The following HMGB1 variants were observed in gnomAD, a reference collection of about 807,000 sequenced individuals.
HMGB1 encodes high mobility group box 1.
For synonymous variants in HMGB1, 81 were observed against 84.0 expected (o/e 0.96, Z 0.19); for missense variants, 79 against 253.5 (o/e 0.31, Z 4.67).
intron 1 of HMGB1, among the ~76,000 whole-genome samples, chr13:30,584,887 C>CAGTAATTA: frequency 1.3e-5 from 2 of 152,204 alleles, no homozygotes; most frequent in East Asian, 3.9e-4. Context: ...GTGGTTCACG[C>CAGTAATTA]CTGTAATCCT....
rs576032509 is a variant in HMGB1, at chr13:30,605,556, G to C, written c.-15+11115C>G. 7.2e-5 allele frequency among the ~76,000 whole-genome samples: 11 copies of C among 152,328 alleles called. No homozygotes were observed. In the South Asian group the frequency reaches 2.3e-3, roughly 32 times the overall value. ...GACTAAGCAAGGACCACCAGGTCTG[G>C]CAACATGGAGGCCAATGCCGACGTG... On this transcript the variant is annotated intron_variant, in intron 1 of 4. Transcript: ENST00000405805.
chr13:30,582,759 TAAC>T (rs1346354066), intron 1 of HMGB1, among the ~76,000 whole-genome samples: 1 of 152,198 alleles, frequency 6.6e-6, no homozygotes, highest in Non-Finnish European at 1.5e-5. Flanking sequence ...TAACCCCACG[TAAC>T]GACAGGTATT....
intron 1 of HMGB1, among the ~76,000 whole-genome samples, chr13:30,478,867 TTTTC>T (rs1272442989): frequency 4.0e-4 from 53 of 132,156 alleles, no homozygotes; most frequent in South Asian, 5.1e-4. Flanking sequence ...TTTTCTTTTC[TTTTC>T]TTTTTTTTTT....
At chr13:30,606,097 G>C (rs200167503) in intron 1 of HMGB1, among the ~76,000 whole-genome samples, 3 of 152,206 alleles carry the variant, frequency 2.0e-5, no homozygotes, top group East Asian at 3.9e-4. Context: ...ATGTGTCTTT[G>C]GTCTCTATTA....
chr13:30,513,949 A>G (rs1428312714), intron 1 of HMGB1, among the ~76,000 whole-genome samples: 2 of 151,996 alleles, frequency 1.3e-5, no homozygotes, highest in Admixed American at 6.6e-5. Flanking sequence ...GGGTGTCTCT[A>G]TGTTGCCTAG....
At chr13:30,520,395 G>A (rs1333082391) in intron 1 of HMGB1, among the ~76,000 whole-genome samples, 1 of 151,790 alleles carries the variant, frequency 6.6e-6, no homozygotes, top group Non-Finnish European at 1.5e-5. Context: ...CGAGGCGGGC[G>A]GCTCACTTGA....
intron 1 of HMGB1, among the ~76,000 whole-genome samples, chr13:30,493,636 T>C (rs1259414637): frequency 6.6e-6 from 1 of 151,742 alleles, no homozygotes; most frequent in Non-Finnish European, 1.5e-5. Flanking sequence ...TCTACAAAAA[T>C]AAAAATGAAA....
intron 1 of HMGB1, among the ~76,000 whole-genome samples, chr13:30,594,510 T>C (rs1192453172): frequency 4.6e-5 from 7 of 152,250 alleles, no homozygotes; most frequent in Non-Finnish European, 5.9e-5. Flanking sequence ...TTAGTTCCGT[T>C]AGGATAATTG....
Position 30,465,792 on chromosome 13 carries a change from T to C in HMGB1, c.-15+4A>G. 2.0e-6 allele frequency: 2 copies of C among 985,730 alleles called. No individual in the cohort carries two copies. Among genetic ancestry groups the C allele is most frequent in the Non-Finnish European group, 2.4e-6 (2 of 829,884 alleles). The allele number at this position is 985,730 out of a possible 1,614,324, so 61.1% of individuals were successfully genotyped here. The stretch of plus-strand genomic sequence containing the variant: ...TCCCCGCCGCGGCGCTGCCCCAGAC[T>C]CACCCTCAGCGAGGCACAGAGTCGC... On this transcript the variant is annotated splice_donor_region_variant and intron_variant, in intron 1 of 4. Transcript: ENST00000341423.
In HMGB1 at chr13:30,460,847, T is replaced by C. The variant is rs1886278083; in HGVS notation, c.*510A>G. 1.2e-5 allele frequency: 2 copies of C among 162,222 alleles called. No individual in the cohort carries two copies. Among genetic ancestry groups the C allele is most frequent in the Non-Finnish European group, 2.6e-5 (2 of 76,826 alleles). 10.0% of individuals were successfully genotyped at this position (162,222 alleles called of 1,614,324 possible). A position where few individuals can be genotyped will look rare whatever the true frequency, so the allele number is the denominator to read the frequency against. The stretch of plus-strand genomic sequence containing the variant: ...AAATGGGCAAAAGCAAAAGACTAGC[T>C]TCCCCTCAAGAAGAAAAATTTCAGA... On this transcript the variant is annotated 3_prime_UTR_variant, in exon 5 of 5. Coordinates refer to ENST00000341423, the MANE Select transcript of HMGB1 (RefSeq NM_002128.7).
chr13:30,525,354 G>A (rs968700096), intron 1 of HMGB1, among the ~76,000 whole-genome samples: 2 of 152,176 alleles, frequency 1.3e-5, no homozygotes, highest in Non-Finnish European at 2.9e-5. Flanking sequence ...CAGTATTCTT[G>A]TTCTTTGGCG....
rs1192619297 is a variant in HMGB1, at chr13:30,475,026, GCTCT to G, written c.-14-11336_-14-11333del. On this transcript the variant is annotated intron_variant, in intron 1 of 4. Transcript: ENST00000405805. ...GCTGGAGTGCAGTGATGCGACCTCA[GCTCT>G]CTCTCTCTCTCTCTCTTTTTTTTTT... is the stretch of plus-strand genomic sequence containing the variant. Among the ~76,000 whole-genome samples, 287 of 76,688 alleles carry G rather than the reference GCTCT, an allele frequency of 3.7e-3. 3 individuals carry two copies. Among genetic ancestry groups the G allele is most frequent in the African/African-American group, 0.015 (264 of 18,042 alleles). The allele number at this position is 76,688 out of a possible 152,430, so 50.3% of individuals were successfully genotyped here.
chr13:30,511,698 T>C (rs765475304), intron 1 of HMGB1, among the ~76,000 whole-genome samples: 6 of 152,204 alleles, frequency 3.9e-5, no homozygotes, highest in Non-Finnish European at 8.8e-5. Context: ...GGGCCTTGCA[T>C]GTCCCATCTA....
At chr13:30,569,383 T>A (rs1160224129) in intron 1 of HMGB1, among the ~76,000 whole-genome samples, 2 of 152,210 alleles carry the variant, frequency 1.3e-5, no homozygotes, top group Admixed American at 6.5e-5. Flanking sequence ...TGAATTTTTG[T>A]GGGCTAAGAC....
rs1181553654 is a variant in HMGB1, at chr13:30,457,699, A to AT, written c.*3657dup. On this transcript the variant is annotated 3_prime_UTR_variant, in exon 5 of 5. Coordinates refer to ENST00000341423, the MANE Select transcript of HMGB1 (RefSeq NM_002128.7). Reference sequence around the variant, plus strand: ...CATTACATATTCTGGAGTGTGGCATATTATGTTTGTGTCATTCCATGTTGT... The same window carrying AT: ...CATTACATATTCTGGAGTGTGGCATATTTATGTTTGTGTCATTCCATGTTGT... 1.3e-5 allele frequency: 2 copies of AT among 152,164 alleles called. No homozygotes were observed. The highest frequency in any genetic ancestry group is 2.9e-5 in the Non-Finnish European group (2 of 68,026). The allele number at this position is 152,164 out of a possible 1,614,324, so 9.4% of individuals were successfully genotyped here. A position where few individuals can be genotyped will look rare whatever the true frequency, so the allele number is the denominator to read the frequency against.
At chr13:30,465,710 G>T in intron 1 of HMGB1, 86 bp downstream of exon 1, 1 of 694,902 alleles carries the variant, frequency 1.4e-6, no homozygotes, top group East Asian at 1.4e-4. Context: ...TGACCCGCCG[G>T]CTCCCGGCCG....
chr13:30,515,938 G>A (rs1268789721), intron 1 of HMGB1, among the ~76,000 whole-genome samples: 2 of 152,046 alleles, frequency 1.3e-5, no homozygotes, highest in Non-Finnish European at 2.9e-5. Flanking sequence ...ACCTACTTCC[G>A]AGGTCCTTAG....
At chr13:30,486,133 T>A (rs1163683068) in intron 1 of HMGB1, among the ~76,000 whole-genome samples, 1 of 152,202 alleles carries the variant, frequency 6.6e-6, no homozygotes, top group Admixed American at 6.5e-5. Flanking sequence ...TGTGTGGCAC[T>A]ACCCTAAAAG....
chr13:30,499,352 G>C lies in HMGB1; in HGVS notation c.-14-35658C>G, dbSNP rs145925430. On this transcript the variant is annotated intron_variant, in intron 1 of 4. Transcript: ENST00000405805. ...TCCTACTAACTACAACTGAATGATA[G>C]GTGTGCTTTGGCCTGAAATGGGTCT... Among the ~76,000 whole-genome samples the C allele has an allele frequency of 2.1e-3, 323 of 152,312 alleles. 3 individuals carry two copies. The highest frequency in any genetic ancestry group is 7.3e-3 in the African/African-American group (305 of 41,556).
Sources: gnomAD v4.1 joint callset for allele counts (sites outside exome capture counted in the v4.1 genomes callset) on GRCh38, gnomAD v4.1.1 for gene constraint, MANE v1.5 for transcripts, NCBI Gene and HGNC (gene_info 2026-07-23, HGNC 2026-07-21) for gene names.